Variants in LDHB observed in about 807,000 individuals in gnomAD.
LDHB encodes the protein lactate dehydrogenase B.
In LDHB, 18 loss-of-function variants were observed where a neutral mutation model predicts 33.4. The ratio of observed to expected loss-of-function variants is 0.54; its 90% confidence interval spans 0.37 to 0.80. The LOEUF is 0.80. Ranked by LOEUF, LDHB falls within the 30% of genes least tolerant of loss-of-function variation. The probability of loss-of-function intolerance (pLI) is 0.00; values close to 1 mark genes in which losing one functional copy is unlikely to be tolerated. For synonymous variants in LDHB, 121 were observed against 140.6 expected (o/e 0.86, Z 0.98); for missense variants, 345 against 407.9 (o/e 0.85, Z 1.33).
intron 3 of LDHB, 70 bp from the exon 4 acceptor site, chr12:21,644,178 G>T: frequency 1.8e-6 from 2 of 1,124,538 alleles, no homozygotes; most frequent in Non-Finnish European, 1.3e-6. Flanking sequence ...TATATGACAT[G>T]CTCTAAAAGC....
chr12:21,640,617 ATGTAATAGC>A (rs996653868), intron 5 of LDHB, among the ~76,000 whole-genome samples: 20 of 152,084 alleles, frequency 1.3e-4, no homozygotes, highest in African/African-American at 3.6e-4. Context: ...AATACAATGG[ATGTAATAGC>A]TCTGTCTACT....
At position 21,638,360 on chromosome 12, in the gene LDHB, C is replaced by G. The variant is rs1057191568; in HGVS notation, c.706G>C (p.Val236Leu). The change falls in exon 6 of 8, where the codon GTT becomes CTT. Residue 236 changes from valine to leucine, a missense_variant. Physicochemically the swap from Val to Leu is conservative, Grantham distance 32. Coordinates refer to ENST00000350669, the MANE Select transcript of LDHB (RefSeq NM_002300.8). ...AAGTTCCCTTTCACTTACCTTTCAA[C>G]CACCATCTTATGCACTTCCTTCCAA... is the stretch of plus-strand genomic sequence containing the variant. ...ENWKEVHKMV[V>L]ESAYEVIKLK... 14 of 1,563,460 alleles carry G rather than the reference C, an allele frequency of 9.0e-6. No individual in the cohort carries two copies. The highest frequency in any genetic ancestry group is 1.7e-5 in the Admixed American group (1 of 59,834).
chr12:21,647,749 C>A (rs978250756), intron 2 of LDHB, among the ~76,000 whole-genome samples: 2 of 149,578 alleles, frequency 1.3e-5, no homozygotes, highest in Non-Finnish European at 1.5e-5. Flanking sequence ...GGTGCAATCT[C>A]GGCTCACTGC....
At chr12:21,651,058 AG>A (rs1422065688) in intron 2 of LDHB, among the ~76,000 whole-genome samples, 1 of 152,250 alleles carries the variant, frequency 6.6e-6, no homozygotes, top group African/African-American at 2.4e-5. Context: ...AGAACATTCC[AG>A]GTGAAGGGAA....
intron 2 of LDHB, among the ~76,000 whole-genome samples, chr12:21,648,585 G>C (rs1308938237): frequency 6.6e-6 from 1 of 152,070 alleles, no homozygotes; most frequent in Non-Finnish European, 1.5e-5. Flanking sequence ...GAAGCACTTT[G>C]AAGAATAAGG....
chr12:21,649,969 GTAA>G (rs1344115436), intron 2 of LDHB, among the ~76,000 whole-genome samples: 3 of 152,060 alleles, frequency 2.0e-5, no homozygotes, highest in African/African-American at 7.2e-5. Flanking sequence ...GCATGCACCT[GTAA>G]TCCCAGCTAC....
At position 21,650,105 on chromosome 12, in the gene LDHB, T is replaced by TATACACACACAC. The variant is rs1555165527; in HGVS notation, c.130-3090_130-3089insGTGTGTGTGTAT. 5.8e-4 allele frequency among the ~76,000 whole-genome samples: 18 copies of TATACACACACAC among 31,004 alleles called. No homozygotes were observed. The South Asian group carries it at 0.01, about 18-fold the overall frequency. 20.3% of individuals were successfully genotyped at this position (31,004 alleles called of 152,430 possible). On this transcript the variant is annotated intron_variant, in intron 2 of 7. Transcript: ENST00000350669. Reference sequence around the variant, plus strand: ...ACTCTCTCTCTCAAGAGAAAAAAAATACACACACACACACACACACACACA... The same window carrying TATACACACACAC: ...ACTCTCTCTCTCAAGAGAAAAAAAATATACACACACACACACACACACACACACACACACACA...
intron 6 of LDHB, chr12:21,637,395 C>T (rs555539927): frequency 1.9e-6 from 1 of 525,956 alleles, no homozygotes; most frequent in South Asian, 2.4e-5. Context: ...ACACAGTAAA[C>T]ACTATATAAA....
At chr12:21,656,658 C>A (rs948608810) in intron 1 of LDHB, among the ~76,000 whole-genome samples, 1 of 152,170 alleles carries the variant, frequency 6.6e-6, no homozygotes, top group Admixed American at 6.5e-5. Context: ...ACCAGATTTT[C>A]TTTCAGATAT....
Position 21,635,623 on chromosome 12 carries a change from C to T in LDHB, c.924G>A (p.Lys308=). 2 of 1,613,594 alleles carry T rather than the reference C, an allele frequency of 1.2e-6. No homozygotes were observed. Among genetic ancestry groups the T allele is most frequent in the Non-Finnish European group, 1.7e-6 (2 of 1,179,910 alleles). Residue 308 remains lysine, a synonymous_variant, in exon 8 of 8, where the codon AAG becomes AAA. Transcript: ENST00000350669. The part of the protein sequence containing the change: ...ARGLTSVINQ[K]LKDDEVAQLK... ...GCTGAGCAACCTCATCATCCTTTAG[C>T]TTCTGGTTGATAACGCTGGTTAATC...
intron 3 of LDHB, among the ~76,000 whole-genome samples, chr12:21,645,085 C>A (rs1056819813): frequency 2.0e-5 from 3 of 152,054 alleles, no homozygotes; most frequent in Admixed American, 6.6e-5. Context: ...CCCACCCCTG[C>A]GCTCCCTGAA....
intron 2 of LDHB, among the ~76,000 whole-genome samples, chr12:21,653,211 T>C (rs1235864672): frequency 6.6e-6 from 1 of 152,114 alleles, no homozygotes; most frequent in South Asian, 2.1e-4. Flanking sequence ...GTAAGAAAAA[T>C]TGAAGTGGAA....
At chr12:21,649,140 T>C (rs1425146396) in intron 2 of LDHB, among the ~76,000 whole-genome samples, 1 of 152,204 alleles carries the variant, frequency 6.6e-6, no homozygotes, top group Non-Finnish European at 1.5e-5. Flanking sequence ...ACTGGGAATA[T>C]CACTCTTATT....
At chr12:21,649,643 ATTTATT>A (rs1938623749) in intron 2 of LDHB, among the ~76,000 whole-genome samples, 1 of 146,978 alleles carries the variant, frequency 6.8e-6, no homozygotes, top group Non-Finnish European at 1.5e-5. Flanking sequence ...AAAAAAACCT[ATTTATT>A]TTTACTCTAC....
At chr12:21,648,464 C>G (rs929932168) in intron 2 of LDHB, among the ~76,000 whole-genome samples, 14 of 151,788 alleles carry the variant, frequency 9.2e-5, no homozygotes, top group African/African-American at 3.4e-4. Flanking sequence ...AGTGAACCAG[C>G]CCATGTTGTT....
At position 21,635,858 on chromosome 12, in the gene LDHB, G is replaced by C. The variant is rs188492942; in HGVS notation, c.838-149C>G. The C allele has an allele frequency of 4.7e-4, 338 of 717,200 alleles. No individual in the cohort carries two copies. The African/African-American group carries it at 4.9e-3, about 10-fold the overall frequency. 44.4% of individuals were successfully genotyped at this position (717,200 alleles called of 1,614,324 possible). A position where few individuals can be genotyped will look rare whatever the true frequency, so the allele number is the denominator to read the frequency against. ...AGCGGTACTACTCTCCAGCCTGGGT[G>C]ACAGAGCAAGAACTAATCTCTAAAG... On this transcript the variant is annotated intron_variant, in intron 7 of 7. Transcript: ENST00000350669.
chr12:21,651,255 T>A (rs1938681727), intron 2 of LDHB, among the ~76,000 whole-genome samples: 1 of 152,236 alleles, frequency 6.6e-6, no homozygotes, highest in Non-Finnish European at 1.5e-5. Context: ...GGAGGATTTG[T>A]GAGGCCTCAT....
At chr12:21,636,964 A>G in intron 7 of LDHB, 107 bp downstream of exon 7, 1 of 1,002,044 alleles carries the variant, frequency 1.0e-6, no homozygotes, top group Non-Finnish European at 1.6e-6. Flanking sequence ...TGAGAGACAG[A>G]AATAACCTTG....
At chr12:21,645,239 A>AAGGCCAGGCCGAAGGCC (rs142902501) in intron 3 of LDHB, among the ~76,000 whole-genome samples, 1 of 151,866 alleles carries the variant, frequency 6.6e-6, no homozygotes, top group East Asian at 1.9e-4. Context: ...TACACTATGG[A>AAGGCCAGGCCGAAGGCC]AGGCCGCAGG....
Sources: allele counts gnomAD v4.1 joint callset (sites outside exome capture counted in the v4.1 genomes callset), GRCh38; gene constraint gnomAD v4.1.1; transcripts MANE v1.5; gene names NCBI Gene and HGNC (gene_info 2026-07-23, HGNC 2026-07-21).